Variants in CSMD2 observed in about 807,000 individuals in gnomAD.
The protein encoded by CSMD2 is CUB and Sushi multiple domains 2.
CSMD2 carries 130 observed loss-of-function variants against 398.5 expected under a neutral mutation model. The ratio of observed to expected loss-of-function variants is 0.33; its 90% CI spans 0.28 to 0.38. The LOEUF is 0.38. CSMD2 is among the 10% of genes least tolerant of loss of function. CSMD2 has a pLI of 1.00. For missense variants in CSMD2, 3,829 were observed against 4,764.9 expected (o/e 0.80, Z 5.78); for synonymous variants, 1,828 against 1,908.5 (o/e 0.96, Z 1.10).
At chr1:34,076,556 C>T (rs1411108675) in intron 2 of CSMD2, among the ~76,000 whole-genome samples, 1 of 152,148 alleles carries the variant, frequency 6.6e-6, no homozygotes, top group African/African-American at 2.4e-5. Flanking sequence ...CAAATGTCCC[C>T]TGGGGGACAA....
At chr1:34,077,295 A>C (rs1332070060) in intron 2 of CSMD2, among the ~76,000 whole-genome samples, 6 of 150,804 alleles carry the variant, frequency 4.0e-5, no homozygotes, top group Admixed American at 3.3e-4. Context: ...GTCTCTACTA[A>C]AAATACAAAA....
chr1:33,737,923 C>T (rs1328702896), intron 15 of CSMD2, among the ~76,000 whole-genome samples: 1 of 152,128 alleles, frequency 6.6e-6, no homozygotes, highest in African/African-American at 2.4e-5. Flanking sequence ...CATTATCCCT[C>T]CTTTTTTTTC....
intron 67 of CSMD2, among the ~76,000 whole-genome samples, chr1:33,522,194 C>T (rs1251366018): frequency 6.6e-6 from 1 of 152,190 alleles, no homozygotes; most frequent in Non-Finnish European, 1.5e-5. Flanking sequence ...TGGGTACTCC[C>T]AACCTATGCT....
At chr1:34,147,500 G>A (rs1382592594) in intron 1 of CSMD2, among the ~76,000 whole-genome samples, 1 of 151,948 alleles carries the variant, frequency 6.6e-6, no homozygotes, top group Non-Finnish European at 1.5e-5. Context: ...AGGAAGTCAT[G>A]TGGTGCCCTA....
At chr1:34,103,857 G>A (rs1330971564) in intron 1 of CSMD2, among the ~76,000 whole-genome samples, 1 of 152,152 alleles carries the variant, frequency 6.6e-6, no homozygotes, top group Non-Finnish European at 1.5e-5. Context: ...TTTTGGAAGT[G>A]GCTTAGTGGA....
At chr1:33,596,269 A>G (rs1639828496) in intron 44 of CSMD2, among the ~76,000 whole-genome samples, 2 of 151,882 alleles carry the variant, frequency 1.3e-5, no homozygotes, top group Admixed American at 6.6e-5. Context: ...TTGGGCTCCA[A>G]TACCCTACAT....
intron 19 of CSMD2, among the ~76,000 whole-genome samples, chr1:33,717,545 GTGGGTTGTAGAAGAGTAA>G (rs1646214415): frequency 6.6e-6 from 1 of 151,964 alleles, no homozygotes; most frequent in South Asian, 2.1e-4. Flanking sequence ...GGAGGAAGGT[GTGGGTTGTAGAAGAGTAA>G]TGGACTTAGC....
chr1:33,557,200 C>T (rs956378450), intron 55 of CSMD2, among the ~76,000 whole-genome samples: 1 of 152,126 alleles, frequency 6.6e-6, no homozygotes, highest in Non-Finnish European at 1.5e-5. Flanking sequence ...TAGGTACTGG[C>T]ATCATTTTTA....
chr1:33,621,219 C>T (rs962373886), intron 37 of CSMD2, among the ~76,000 whole-genome samples: 1 of 152,312 alleles, frequency 6.6e-6, no homozygotes. Context: ...AGATTTTGTG[C>T]TTTTGAAGGC....
intron 15 of CSMD2, 127 bp from the exon 16 acceptor site, chr1:33,726,812 T>C (rs1646549384): frequency 9.5e-7 from 1 of 1,054,348 alleles, no homozygotes; most frequent in African/African-American, 1.6e-5. Context: ...TTACATAAAC[T>C]ATAAACTGTG....
Position 33,519,447 on chromosome 1 carries a change from T to C in CSMD2, c.*53+18A>G. ...CTGTGCTTGTCATGGCCTGTCTTCC[T>C]CCCACACCCCTGCTCACCGGCTGCT... is the stretch of plus-strand genomic sequence containing the variant. On this transcript the variant is annotated intron_variant, in intron 70 of 70. Transcript: ENST00000373381. This position sits in a 1 kb window ranked among gnomAD's most constrained non-coding sequence, Gnocchi z 5.6. The C allele has an allele frequency of 6.6e-7, 1 of 1,514,282 alleles. No individual in the cohort carries two copies. Among genetic ancestry groups the C allele is most frequent in the Non-Finnish European group, 9.1e-7 (1 of 1,100,454 alleles). 93.8% of individuals were successfully genotyped at this position (1,514,282 alleles called of 1,614,324 possible).
At chr1:34,066,789 C>T (rs1056822786) in intron 2 of CSMD2, among the ~76,000 whole-genome samples, 3 of 152,142 alleles carry the variant, frequency 2.0e-5, no homozygotes, top group Non-Finnish European at 2.9e-5. Context: ...TCCTGTGCCG[C>T]TCTCTGGGAA....
chr1:33,714,669 C>G lies in CSMD2; in HGVS notation c.3324G>C (p.Gly1108=). 6.2e-7 allele frequency: 1 copy of G among 1,614,020 alleles called. No individual in the cohort carries two copies. Residue 1108 remains glycine, a synonymous_variant, in exon 21 of 71, where the codon GGG becomes GGC. Transcript: ENST00000373381. The part of the protein sequence containing the change: ...GDTLTFSCFP[G]YRLEGTARIT... ...TGCGGGCGGTGCCCTCCAGACGGTACCCGGGGAAGCAGGAGAAGGTCAAGG... is the reference window on the plus strand; with the variant it reads ...TGCGGGCGGTGCCCTCCAGACGGTAGCCGGGGAAGCAGGAGAAGGTCAAGG...
chr1:34,092,728 T>A (rs1369131236), intron 1 of CSMD2, among the ~76,000 whole-genome samples: 1 of 151,638 alleles, frequency 6.6e-6, no homozygotes, highest in Non-Finnish European at 1.5e-5. Context: ...CACCACGAGA[T>A]TATATCCCGC....
chr1:33,692,828 G>GAGGC, intron 25 of CSMD2, 102 bp downstream of exon 25: 1 of 1,426,892 alleles, frequency 7.0e-7, no homozygotes, highest in Non-Finnish European at 9.7e-7. Context: ...TTCTCCAGGT[G>GAGGC]AGGCAGGCAG....
At chr1:33,996,221 TC>T in intron 3 of CSMD2, among the ~76,000 whole-genome samples, 1 of 152,314 alleles carries the variant, frequency 6.6e-6, no homozygotes, top group East Asian at 1.9e-4. Flanking sequence ...CACCATGCCC[TC>T]TGGCTGGATC....
At chr1:33,833,719 T>A (rs1182620263) in intron 6 of CSMD2, among the ~76,000 whole-genome samples, 1 of 151,754 alleles carries the variant, frequency 6.6e-6, no homozygotes, top group African/African-American at 2.4e-5. Context: ...ATTGTCCCTG[T>A]TTGCAGATGA....
chr1:33,589,829 AC>A (rs1233307801), intron 44 of CSMD2, among the ~76,000 whole-genome samples: 3 of 152,210 alleles, frequency 2.0e-5, no homozygotes, highest in Non-Finnish European at 4.4e-5. Context: ...TTCAAGGTTG[AC>A]CTTAGCCGTT....
chr1:33,681,233 GCTTTTGTTTATTATATTTT>G (rs1461104535), intron 25 of CSMD2, among the ~76,000 whole-genome samples: 3 of 151,846 alleles, frequency 2.0e-5, no homozygotes, highest in African/African-American at 7.3e-5. Context: ...TGTGTTTTAT[GCTTTTGTTTATTATATTTT>G]CTTGCTTTTT....
Sources: gnomAD v4.1 joint callset for allele counts (sites outside exome capture counted in the v4.1 genomes callset) on GRCh38, gnomAD v4.1.1 for gene constraint, Gnocchi (gnomAD v3.1) non-coding constraint, MANE v1.5 for transcripts, NCBI Gene and HGNC (gene_info 2026-07-23, HGNC 2026-07-21) for gene names.